Variants in PPFIA1 observed in about 807,000 individuals in gnomAD.
PPFIA1 encodes the protein liprin-alpha-1.
PPFIA1 carries 25 observed loss-of-function variants against 149.9 expected under a neutral mutation model. The observed-to-expected ratio is 0.17, with a 90% CI of 0.12 to 0.23. The LOEUF (loss-of-function observed/expected upper bound fraction) is 0.23. Ranked by LOEUF, PPFIA1 falls within the 10% of genes least tolerant of loss-of-function variation. PPFIA1 has a pLI of 1.00. For synonymous variants in PPFIA1, 549 were observed against 552.8 expected, an observed-to-expected ratio of 0.99 and a Z score of 0.10; for missense variants, 1,362 against 1,506.5, an observed-to-expected ratio of 0.90 and a Z score of 1.59.
chr11:70,322,660 C>T (rs2054011222), intron 2 of PPFIA1, among the ~76,000 whole-genome samples: 2 of 152,198 alleles, frequency 1.3e-5, no homozygotes, highest in South Asian at 2.1e-4. Flanking sequence ...TGTTCTTTAG[C>T]TAATTTTATG....
intron 12 of PPFIA1, among the ~76,000 whole-genome samples, chr11:70,337,880 T>G (rs2055079250): frequency 6.6e-6 from 1 of 152,222 alleles, no homozygotes; most frequent in African/African-American, 2.4e-5. Flanking sequence ...TTCCTAGTCA[T>G]AGCACATCTC....
At chr11:70,368,732 A>C (rs1352654229) in intron 21 of PPFIA1, among the ~76,000 whole-genome samples, 1 of 152,242 alleles carries the variant, frequency 6.6e-6, no homozygotes, top group African/African-American at 2.4e-5. Flanking sequence ...ACTTTGCTTA[A>C]ACCCACTTAT....
intron 14 of PPFIA1, among the ~76,000 whole-genome samples, chr11:70,342,435 G>A (rs1339849485): frequency 1.3e-5 from 2 of 152,150 alleles, no homozygotes; most frequent in Non-Finnish European, 2.9e-5. Context: ...CGTAGGTCCC[G>A]GCACACACAC....
chr11:70,283,472 A>G (rs1412024945), intron 2 of PPFIA1, among the ~76,000 whole-genome samples: 1 of 152,176 alleles, frequency 6.6e-6, no homozygotes, highest in African/African-American at 2.4e-5. Flanking sequence ...CTTCAAATCA[A>G]ATCCAAACTT....
intron 10 of PPFIA1, 150 bp from the exon 11 acceptor site, chr11:70,335,413 C>A: frequency 1.2e-6 from 1 of 850,228 alleles, no homozygotes; most frequent in Non-Finnish European, 1.8e-6. Context: ...GTTCTGGTCA[C>A]CATGCAAAAG....
rs754393522 is a variant in PPFIA1 at position 70,372,257 on chromosome 11, G to A, written c.2908G>A (p.Glu970Lys). ...CATGAACCACGAGTGGATCGGCAAC[G>A]AGTGGCTCCCCAGCCTGGGCCTCCC... ...GDMNHEWIGN[E>K]WLPSLGLPQY... Residue 970 changes from glutamate (E) to lysine (K), a missense_variant, in exon 22 of 28, where the codon GAG becomes AAG. By Grantham distance (56) the Glu-to-Lys change is moderately conservative. This residue lies in a region of PPFIA1 where 349 missense variants were observed against 373.3 expected (regional missense o/e 0.93). Coordinates refer to ENST00000253925, the MANE Select transcript of PPFIA1 (RefSeq NM_003626.5). 2.2e-5 allele frequency: 35 copies of A among 1,614,056 alleles called. No homozygotes were observed. Among genetic ancestry groups the A allele is most frequent in the South Asian group, 6.6e-5 (6 of 91,082 alleles).
chr11:70,362,223 A>T, intron 20 of PPFIA1, 47 bp downstream of exon 20: 1 of 1,612,614 alleles, frequency 6.2e-7, no homozygotes, highest in Non-Finnish European at 8.5e-7. Flanking sequence ...CAGTATGTGA[A>T]CTTACTGTTC....
At chr11:70,359,048 A>G (rs1182591104) in intron 19 of PPFIA1, among the ~76,000 whole-genome samples, 1 of 152,262 alleles carries the variant, frequency 6.6e-6, no homozygotes, top group Non-Finnish European at 1.5e-5. Flanking sequence ...GTCACCAGCC[A>G]CAGGCTCTAT....
At chr11:70,377,961 A>C in intron 25 of PPFIA1, 69 bp from the exon 26 acceptor site, 1 of 1,217,774 alleles carries the variant, frequency 8.2e-7, no homozygotes, top group Non-Finnish European at 1.2e-6. Context: ...ATTTTAAAGG[A>C]CATGTAACTT....
rs756831282 is a variant in PPFIA1 at position 70,382,071 on chromosome 11, C to T, written c.3551-17C>T. On this transcript the variant is annotated splice_polypyrimidine_tract_variant and intron_variant, in intron 26 of 27. Coordinates refer to ENST00000253925, the MANE Select transcript of PPFIA1 (RefSeq NM_003626.5). ...CACGCTGTGTTTGCACGCTTCCTCT[C>T]GTGGCTGTTGAAACAGGCAATGTAT... is the stretch of plus-strand genomic sequence containing the variant. 1.1e-5 allele frequency: 18 copies of T among 1,613,228 alleles called. No homozygotes were observed. The South Asian group carries it at 1.5e-4, about 14-fold the overall frequency.
Position 70,330,163 on chromosome 11 carries a change from C to A in PPFIA1, c.931-10C>A, listed in dbSNP as rs1176859599. ...CTACTTTTTTGTCCCCTCTGAAATA[C>A]CTAATTTAGGCCATGGCCCAAAAGG... On this transcript the variant is annotated splice_polypyrimidine_tract_variant and intron_variant, in intron 7 of 27. Coordinates refer to ENST00000253925, the MANE Select transcript of PPFIA1 (RefSeq NM_003626.5). The A allele has an allele frequency of 6.3e-7, 1 of 1,577,242 alleles. No homozygotes were observed. Among genetic ancestry groups the A allele is most frequent in the African/African-American group, 1.4e-5 (1 of 72,894 alleles).
chr11:70,314,869 TCA>T (rs1276706846), intron 2 of PPFIA1, among the ~76,000 whole-genome samples: 1 of 152,310 alleles, frequency 6.6e-6, no homozygotes, highest in South Asian at 2.1e-4. Flanking sequence ...TTTAATTGAC[TCA>T]CAGTTCCGCA....
chr11:70,280,526 G>A (rs1261787277), intron 2 of PPFIA1, among the ~76,000 whole-genome samples: 1 of 152,218 alleles, frequency 6.6e-6, no homozygotes, highest in East Asian at 1.9e-4. Flanking sequence ...CCAAGATCAC[G>A]CCATTGCACT....
At chr11:70,327,155 A>G (rs565367164) in intron 7 of PPFIA1, 1 of 241,146 alleles carries the variant, frequency 4.1e-6, no homozygotes, top group Non-Finnish European at 8.1e-6. Context: ...CATCTGTGCA[A>G]TTTCTAGGCT....
intron 1 of PPFIA1, among the ~76,000 whole-genome samples, chr11:70,271,481 G>T (rs1311919198): frequency 6.6e-6 from 1 of 151,696 alleles, no homozygotes; most frequent in Non-Finnish European, 1.5e-5. Context: ...TTTCCTAGCC[G>T]CCCCCGGCTG....
intron 21 of PPFIA1, among the ~76,000 whole-genome samples, chr11:70,370,104 C>T (rs2057156357): frequency 1.3e-5 from 2 of 152,096 alleles, no homozygotes; most frequent in South Asian, 4.1e-4. Flanking sequence ...GCATGTGCCA[C>T]CATGCCTAGC....
intron 21 of PPFIA1, chr11:70,367,443 C>G (rs1318300461): frequency 2.2e-6 from 1 of 450,350 alleles, no homozygotes; most frequent in Non-Finnish European, 4.5e-6. Context: ...GCAGGACACC[C>G]ATGGTCCCCC....
At chr11:70,345,422 C>T (rs2055628422) in intron 15 of PPFIA1, among the ~76,000 whole-genome samples, 1 of 151,930 alleles carries the variant, frequency 6.6e-6, no homozygotes. Flanking sequence ...GGAGAAGGAG[C>T]ACATGGAGCA....
At chr11:70,331,927 G>T (rs776631972) in intron 8 of PPFIA1, 33 bp from the exon 9 acceptor site, 6 of 1,586,500 alleles carry the variant, frequency 3.8e-6, no homozygotes, top group Non-Finnish European at 5.1e-6. Flanking sequence ...TAGAAGATTT[G>T]TTGCATTTTG....
Sources: allele counts gnomAD v4.1 joint callset (sites outside exome capture counted in the v4.1 genomes callset), GRCh38; gene constraint gnomAD v4.1.1; regional missense constraint gnomAD v4.1.1; transcripts MANE v1.5; gene names NCBI Gene and HGNC (gene_info 2026-07-23, HGNC 2026-07-21).